The following NHS variants were observed in gnomAD, a reference collection of about 807,000 sequenced individuals.
NHS encodes actin remodeling regulator NHS.
A neutral mutation model predicts 72.5 loss-of-function variants in NHS; 5 were observed. That is an observed-to-expected ratio of 0.07 (90% CI 0.04 to 0.14). The LOEUF is 0.14. Ranked by LOEUF, NHS falls within the 10% of genes least tolerant of loss-of-function variation. The probability of loss-of-function intolerance (pLI) is 1.00; values close to 1 mark genes in which losing one functional copy is unlikely to be tolerated. For synonymous variants in NHS, 464 were observed against 547.7 expected, an observed-to-expected ratio of 0.85 and a Z score of 2.13; for missense variants, 1,072 against 1,355.7, an observed-to-expected ratio of 0.79 and a Z score of 3.29.
intron 1 of NHS, among the ~76,000 whole-genome samples, chrX:17,648,183 G>C (rs1294212752): frequency 8.9e-6 from 1 of 111,929 alleles, no homozygotes. Context: ...GTTAAGCTCT[G>C]TGGAGTTTGC....
intron 8 of NHS, 125 bp downstream of exon 8, chrX:17,728,900 AAAGCAAGCAAAG>A: frequency 1.1e-6 from 1 of 887,155 alleles, no homozygotes; most frequent in Non-Finnish European, 1.6e-6. Flanking sequence ...AGCAAAAACA[AAAGCAAGCAAAG>A]AATAATTTTT....
At chrX:17,634,424 C>T (rs1236182430) in intron 1 of NHS, among the ~76,000 whole-genome samples, 2 of 111,889 alleles carry the variant, frequency 1.8e-5, no homozygotes, top group African/African-American at 3.3e-5. Context: ...AGGAAAAGCT[C>T]GTCTCCCACT....
At position 17,681,789 on chromosome X, in the gene NHS, C is replaced by G. The variant is rs146585061; in HGVS notation, c.566-5953C>G. On this transcript the variant is annotated intron_variant, in intron 1 of 8. Transcript: ENST00000676302. Reference sequence around the variant, plus strand: ...GTTTTAGAAGCTGGGAAAACTATTTCTAGGGGAAAAATTGTTCTAGATCCT... The same window carrying G: ...GTTTTAGAAGCTGGGAAAACTATTTGTAGGGGAAAAATTGTTCTAGATCCT... Among the ~76,000 whole-genome samples the G allele has an allele frequency of 8.4e-3, 943 of 111,626 alleles. 18 individuals carry two copies. Among genetic ancestry groups the G allele is most frequent in the Admixed American group, 0.069 (721 of 10,492 alleles).
intron 1 of NHS, among the ~76,000 whole-genome samples, chrX:17,422,556 A>G (rs990636894): frequency 6.3e-5 from 7 of 111,587 alleles, no homozygotes; most frequent in Non-Finnish European, 1.3e-4. Flanking sequence ...CTGTCTGTGC[A>G]CTGTAGGATG....
At chrX:17,470,954 T>A (rs1024926361) in intron 1 of NHS, among the ~76,000 whole-genome samples, 3 of 111,477 alleles carry the variant, frequency 2.7e-5, no homozygotes, top group Admixed American at 9.5e-5. Context: ...TTGATCATTG[T>A]GTATCTCTGG....
chrX:17,431,434 A>G (rs1395927952), intron 1 of NHS, among the ~76,000 whole-genome samples: 1 of 111,713 alleles, frequency 9.0e-6, no homozygotes, highest in African/African-American at 3.3e-5. Flanking sequence ...TCCCCAAACA[A>G]TGGCCCAAGT....
intron 1 of NHS, among the ~76,000 whole-genome samples, chrX:17,478,909 A>AT (rs887308136): frequency 9.0e-6 from 1 of 111,466 alleles, no homozygotes; most frequent in African/African-American, 3.3e-5. Context: ...TTTTATTTGA[A>AT]TTTTTTTAAT....
intron 1 of NHS, among the ~76,000 whole-genome samples, chrX:17,675,301 A>G (rs2066073193): frequency 8.9e-6 from 1 of 112,882 alleles, no homozygotes; most frequent in Non-Finnish European, 1.9e-5. Context: ...GCCATTAGGA[A>G]TCAAGATTTT....
intron 2 of NHS, 86 bp from the exon 3 acceptor site, chrX:17,692,249 C>A: frequency 2.3e-5 from 22 of 971,912 alleles, no homozygotes; most frequent in East Asian, 7.0e-5. Context: ...TTTTTTTTTA[C>A]AGCCTTTTGC....
At chrX:17,574,254 C>T (rs2065497715) in intron 1 of NHS, among the ~76,000 whole-genome samples, 1 of 112,618 alleles carries the variant, frequency 8.9e-6, no homozygotes, top group Admixed American at 9.3e-5. Flanking sequence ...AAGCTGTCTG[C>T]TGCCTTTTGT....
At position 17,721,779 on chromosome X, in the gene NHS, T is replaced by C. The variant is rs951201231; in HGVS notation, c.1108+146T>C. 12 of 502,172 alleles carry C rather than the reference T, an allele frequency of 2.4e-5. No individual in the cohort carries two copies. The African/African-American group carries it at 2.9e-4, about 12-fold the overall frequency. The allele number at this position is 502,172 out of a possible 1,213,427, so 41.4% of individuals were successfully genotyped here. A position where few individuals can be genotyped will look rare whatever the true frequency, so the allele number is the denominator to read the frequency against. On this transcript the variant is annotated intron_variant, in intron 5 of 8. Transcript: ENST00000676302. ...AAATACAAACCCAGAGGATGTTCGATATGCTTTTGTCAGGTTTTGAACATC... is the reference window on the plus strand; with the variant it reads ...AAATACAAACCCAGAGGATGTTCGACATGCTTTTGTCAGGTTTTGAACATC...
At chrX:17,524,918 G>A (rs1163272339) in intron 1 of NHS, among the ~76,000 whole-genome samples, 1 of 112,106 alleles carries the variant, frequency 8.9e-6, no homozygotes, top group African/African-American at 3.2e-5. Context: ...TTACTCTAAT[G>A]GTTTCATCCA....
intron 1 of NHS, among the ~76,000 whole-genome samples, chrX:17,409,376 T>A (rs2064546316): frequency 1.6e-5 from 1 of 62,401 alleles, no homozygotes; most frequent in South Asian, 4.8e-4. Flanking sequence ...TCCATTATGT[T>A]TTTTTTTTTT....
intron 1 of NHS, among the ~76,000 whole-genome samples, chrX:17,667,829 A>G (rs1231434821): frequency 1.8e-5 from 2 of 110,850 alleles, no homozygotes; most frequent in African/African-American, 6.6e-5. Flanking sequence ...ATGACAATGC[A>G]TAGAGCCTGC....
chrX:17,496,525 C>G (rs2065012984), intron 1 of NHS, among the ~76,000 whole-genome samples: 1 of 110,791 alleles, frequency 9.0e-6, no homozygotes, highest in Non-Finnish European at 1.9e-5. Flanking sequence ...GATTTTGGGA[C>G]ACAAAGACCA....
intron 1 of NHS, 129 bp from the exon 2 acceptor site, chrX:17,687,613 A>T: frequency 1.3e-6 from 1 of 783,429 alleles, no homozygotes. Flanking sequence ...GTTAGTTCTT[A>T]ATGTGAATGC....
At chrX:17,530,634 C>T (rs896585658) in intron 1 of NHS, among the ~76,000 whole-genome samples, 10 of 111,468 alleles carry the variant, frequency 9.0e-5, no homozygotes, top group African/African-American at 2.3e-4. Context: ...GTTTCAGAAG[C>T]GCTGGTCCAG....
intron 1 of NHS, among the ~76,000 whole-genome samples, chrX:17,459,977 A>T (rs1194895733): frequency 8.9e-6 from 1 of 112,000 alleles, no homozygotes; most frequent in Non-Finnish European, 1.9e-5. Flanking sequence ...GGACAGTAGC[A>T]GCCAAGGAGA....
chrX:17,724,923 G>C (rs923278155), intron 6 of NHS, among the ~76,000 whole-genome samples: 1 of 111,575 alleles, frequency 9.0e-6, no homozygotes, highest in Non-Finnish European at 1.9e-5. Context: ...AAAATTATTA[G>C]GGTATCATCT....
Sources: gnomAD v4.1 joint callset for allele counts (sites outside exome capture counted in the v4.1 genomes callset) on GRCh38, gnomAD v4.1.1 for gene constraint, MANE v1.5 for transcripts, NCBI Gene and HGNC (gene_info 2026-07-23, HGNC 2026-07-21) for gene names.